Variants in PSMB7 observed in about 807,000 individuals in gnomAD.
The protein encoded by PSMB7 is proteasome 20S subunit beta 7.
Under a neutral mutation model 28.1 loss-of-function variants are expected in PSMB7, and 5 were observed. That is an observed-to-expected ratio of 0.18 (90% CI 0.09 to 0.37). PSMB7 has a LOEUF of 0.37. PSMB7 is among the 10% of genes least tolerant of loss of function. The probability of loss-of-function intolerance (pLI) is 1.00; values close to 1 mark genes in which losing one functional copy is unlikely to be tolerated. For missense variants in PSMB7, 275 were observed against 346.2 expected, an observed-to-expected ratio of 0.79 and a Z score of 1.63; for synonymous variants, 122 against 123.7, an observed-to-expected ratio of 0.99 and a Z score of 0.09.
chr9:124,400,053 C>G (rs1241365283), intron 5 of PSMB7, among the ~76,000 whole-genome samples: 1 of 152,178 alleles, frequency 6.6e-6, no homozygotes, highest in Non-Finnish European at 1.5e-5. Context: ...CATCCCTCTT[C>G]CACCCTCCCC....
At chr9:124,382,027 G>C (rs1344042586) in intron 6 of PSMB7, among the ~76,000 whole-genome samples, 1 of 151,632 alleles carries the variant, frequency 6.6e-6, no homozygotes, top group African/African-American at 2.4e-5. Flanking sequence ...GGGAGGCCAA[G>C]GTAGGCAGAC....
At chr9:124,388,929 C>T (rs1288480792) in intron 5 of PSMB7, among the ~76,000 whole-genome samples, 1 of 152,168 alleles carries the variant, frequency 6.6e-6, no homozygotes, top group Non-Finnish European at 1.5e-5. Flanking sequence ...TTCATATCTG[C>T]AGCCTCCATC....
At chr9:124,359,953 G>A (rs1830451104) in intron 6 of PSMB7, among the ~76,000 whole-genome samples, 1 of 152,108 alleles carries the variant, frequency 6.6e-6, no homozygotes, top group African/African-American at 2.4e-5. Context: ...TCAAAACAGC[G>A]TGGAAATGAC....
intron 6 of PSMB7, among the ~76,000 whole-genome samples, chr9:124,358,690 G>A (rs986729781): frequency 9.9e-5 from 15 of 152,180 alleles, no homozygotes; most frequent in Non-Finnish European, 1.5e-4. Flanking sequence ...CGGTGTGTGC[G>A]CACATGGGCA....
At chr9:124,362,600 T>C (rs1279570104) in intron 6 of PSMB7, among the ~76,000 whole-genome samples, 2 of 152,246 alleles carry the variant, frequency 1.3e-5, no homozygotes, top group African/African-American at 4.8e-5. Context: ...GGGGAGATGC[T>C]GGCCAAAGGA....
At chr9:124,388,775 C>T (rs1456998635) in intron 5 of PSMB7, among the ~76,000 whole-genome samples, 4 of 152,158 alleles carry the variant, frequency 2.6e-5, no homozygotes, top group Non-Finnish European at 5.9e-5. Context: ...CAGTTCAAGC[C>T]TATCTCACAG....
At chr9:124,403,496 AGCCTGTGC>A (rs1461635469) in intron 5 of PSMB7, among the ~76,000 whole-genome samples, 1 of 152,208 alleles carries the variant, frequency 6.6e-6, no homozygotes, top group African/African-American at 2.4e-5. Flanking sequence ...ACTGTACTCC[AGCCTGTGC>A]AGCAGAGTGA....
chr9:124,386,048 C>T (rs762952190), intron 5 of PSMB7, among the ~76,000 whole-genome samples: 3 of 151,598 alleles, frequency 2.0e-5, no homozygotes, highest in African/African-American at 4.9e-5. Context: ...CCATAGGAAG[C>T]GTCAAGTGTA....
chr9:124,360,639 C>T (rs1298245459), intron 6 of PSMB7, among the ~76,000 whole-genome samples: 1 of 152,236 alleles, frequency 6.6e-6, no homozygotes, highest in African/African-American at 2.4e-5. Flanking sequence ...TGCTTTCAGA[C>T]GCTCAGCTAA....
intron 3 of PSMB7, among the ~76,000 whole-genome samples, chr9:124,413,299 A>C (rs959611083): frequency 4.0e-5 from 6 of 151,790 alleles, no homozygotes; most frequent in African/African-American, 1.5e-4. Context: ...AATAGCTTGG[A>C]GATGAGGGAA....
chr9:124,366,063 G>A (rs1015458211), intron 6 of PSMB7, among the ~76,000 whole-genome samples: 2 of 151,972 alleles, frequency 1.3e-5, no homozygotes, highest in Admixed American at 6.6e-5. Flanking sequence ...TTGTGCCTTA[G>A]TTTTTAACAA....
chr9:124,397,733 A>C (rs563716619), intron 5 of PSMB7, among the ~76,000 whole-genome samples: 2 of 152,378 alleles, frequency 1.3e-5, no homozygotes, highest in East Asian at 3.9e-4. Flanking sequence ...TCATTTTCTC[A>C]CTTAAGCTAC....
chr9:124,381,371 G>A (rs2131159055), intron 6 of PSMB7, among the ~76,000 whole-genome samples: 1 of 152,310 alleles, frequency 6.6e-6, no homozygotes, highest in East Asian at 1.9e-4. Context: ...ACTGTTGGTT[G>A]AACAATTTGT....
chr9:124,365,006 CA>C (rs1830493893), intron 6 of PSMB7, among the ~76,000 whole-genome samples: 1 of 152,184 alleles, frequency 6.6e-6, no homozygotes, highest in Non-Finnish European at 1.5e-5. Flanking sequence ...CAGGCAGAAC[CA>C]GAAGGAGATC....
At chr9:124,367,497 G>C (rs921376584) in intron 6 of PSMB7, among the ~76,000 whole-genome samples, 2 of 152,022 alleles carry the variant, frequency 1.3e-5, no homozygotes, top group Non-Finnish European at 2.9e-5. Context: ...GGTGGGAGGA[G>C]GGGGTCTCAA....
intron 5 of PSMB7, among the ~76,000 whole-genome samples, chr9:124,390,188 A>G (rs1023130448): frequency 6.6e-6 from 1 of 152,248 alleles, no homozygotes; most frequent in Admixed American, 6.5e-5. Context: ...GCAAAGATTA[A>G]AAAGAATAAT....
At chr9:124,404,916 T>A (rs1830947785) in intron 5 of PSMB7, among the ~76,000 whole-genome samples, 1 of 152,086 alleles carries the variant, frequency 6.6e-6, no homozygotes, top group East Asian at 1.9e-4. Context: ...ACTCAAAAAC[T>A]TTAGGATTTT....
At chr9:124,393,879 G>A (rs1830816720) in intron 5 of PSMB7, among the ~76,000 whole-genome samples, 1 of 152,202 alleles carries the variant, frequency 6.6e-6, no homozygotes, top group African/African-American at 2.4e-5. Context: ...CCCCTGTTTA[G>A]AGGACAAAAT....
At chr9:124,390,048 G>C (rs1052898580) in intron 5 of PSMB7, among the ~76,000 whole-genome samples, 1 of 152,190 alleles carries the variant, frequency 6.6e-6, no homozygotes, top group African/African-American at 2.4e-5. Context: ...AAGACTCCAA[G>C]AGAGAAGACA....
Sources: gnomAD v4.1 joint callset for allele counts (sites outside exome capture counted in the v4.1 genomes callset) on GRCh38, gnomAD v4.1.1 for gene constraint, MANE v1.5 for transcripts, NCBI Gene and HGNC (gene_info 2026-07-23, HGNC 2026-07-21) for gene names.